Variants in CALCRL observed in about 807,000 individuals in gnomAD.
CALCRL encodes the protein calcitonin receptor like receptor.
A neutral mutation model predicts 60.4 loss-of-function variants in CALCRL; 27 were observed. The ratio of observed to expected loss-of-function variants is 0.45; its 90% confidence interval spans 0.33 to 0.62. The LOEUF is 0.62. Among genes scored for constraint, CALCRL ranks in the 20% least tolerant of loss-of-function variants. CALCRL has a pLI of 0.03. For synonymous variants in CALCRL, 190 were observed against 182.6 expected (o/e 1.04, Z -0.33); for missense variants, 424 against 540.7 (o/e 0.78, Z 2.14).
intron 1 of CALCRL, among the ~76,000 whole-genome samples, chr2:187,445,629 AGTGTTTAT>A (rs1371681267): frequency 1.3e-5 from 2 of 151,600 alleles, no homozygotes; most frequent in South Asian, 4.1e-4. Flanking sequence ...AAATTCAGTT[AGTGTTTAT>A]GTGTTTATCA....
intron 1 of CALCRL, among the ~76,000 whole-genome samples, chr2:187,400,578 C>T (rs858760): frequency 1 from 151,370 of 151,494 alleles, 75,623 homozygotes; most frequent in Middle Eastern, 1. Context: ...CGCTTGCACA[C>T]GAATATTCTT....
At chr2:187,414,133 C>CT (rs1400906908) in intron 1 of CALCRL, among the ~76,000 whole-genome samples, 2 of 152,046 alleles carry the variant, frequency 1.3e-5, no homozygotes, top group African/African-American at 2.4e-5. Context: ...TACCTGTCAT[C>CT]TAACAGGAGG....
chr2:187,386,241 A>C (rs1688202565), intron 3 of CALCRL, among the ~76,000 whole-genome samples: 1 of 152,058 alleles, frequency 6.6e-6, no homozygotes. Context: ...CATGGACATA[A>C]AAAATTTTGA....
At chr2:187,386,130 T>TATAGATAG (rs891902396) in intron 3 of CALCRL, among the ~76,000 whole-genome samples, 3 of 51,788 alleles carry the variant, frequency 5.8e-5, no homozygotes, top group African/African-American at 2.3e-4. Flanking sequence ...AAAAACTTCT[T>TATAGATAG]ATAGATAGAT....
At chr2:187,410,947 T>C (rs1689329849) in intron 1 of CALCRL, among the ~76,000 whole-genome samples, 2 of 152,072 alleles carry the variant, frequency 1.3e-5, no homozygotes, top group South Asian at 4.1e-4. Context: ...AAATATTTTA[T>C]CTAGTGCATT....
chr2:187,425,490 G>A (rs1690079430), intron 1 of CALCRL, among the ~76,000 whole-genome samples: 1 of 151,786 alleles, frequency 6.6e-6, no homozygotes, highest in South Asian at 2.1e-4. Flanking sequence ...ATTTCCATCT[G>A]ATACATGTAA....
rs761630558 is a variant in CALCRL, at chr2:187,380,730, C to T, written c.242G>A (p.Gly81Glu). The change falls in exon 6 of 15, where the codon GGA becomes GAA. Residue 81 changes from glycine (G) to glutamate (E), a missense_variant. Transcript: ENST00000392370. The stretch of plus-strand genomic sequence containing the variant: ...AGGGCAGAGCTGCATTGATTCAGTT[C>T]CTGCTGCAACATCGTTCCAGCAGAG... ...GWLCWNDVAA[G>E]TESMQLCPDY... 15 of 1,613,966 alleles carry T rather than the reference C, an allele frequency of 9.3e-6. No homozygotes were observed. The South Asian group carries it at 1.5e-4, about 17-fold the overall frequency.
intron 1 of CALCRL, among the ~76,000 whole-genome samples, chr2:187,442,984 A>T (rs1271118037): frequency 1.3e-5 from 2 of 151,920 alleles, no homozygotes; most frequent in Non-Finnish European, 2.9e-5. Flanking sequence ...GGATTGTGCA[A>T]CTTTGGGTTT....
intron 1 of CALCRL, among the ~76,000 whole-genome samples, chr2:187,411,514 C>G (rs1400811279): frequency 2.0e-5 from 3 of 152,024 alleles, no homozygotes; most frequent in Admixed American, 2.0e-4. Flanking sequence ...CAGTTTAAAT[C>G]TCTTTCAAAA....
intron 9 of CALCRL, among the ~76,000 whole-genome samples, chr2:187,361,095 C>T (rs1247736693): frequency 2.0e-5 from 3 of 151,904 alleles, no homozygotes; most frequent in Non-Finnish European, 2.9e-5. Context: ...TTATTTATAT[C>T]ATCATGAATC....
intron 8 of CALCRL, among the ~76,000 whole-genome samples, chr2:187,367,383 C>A (rs1026333305): frequency 6.6e-6 from 1 of 152,078 alleles, no homozygotes. Flanking sequence ...AGGCACTGTG[C>A]AACTTAAACA....
rs115703935 is a variant in CALCRL at position 187,403,142 on chromosome 2, G to C, written c.-292-15386C>G. ...TGTTGTTTTACCCACCAAGTCTATG[G>C]CAATTTGTTACAGAAGCCTTAAACT... On this transcript the variant is annotated intron_variant, in intron 1 of 14. Transcript: ENST00000392370. 6.9e-3 allele frequency among the ~76,000 whole-genome samples: 1,054 copies of C among 151,848 alleles called. 12 individuals are homozygous for C. The highest frequency in any genetic ancestry group is 0.024 in the African/African-American group (1,008 of 41,468).
chr2:187,397,156 A>C (rs973050605), intron 1 of CALCRL, among the ~76,000 whole-genome samples: 1 of 151,762 alleles, frequency 6.6e-6, no homozygotes, highest in Non-Finnish European at 1.5e-5. Flanking sequence ...ATTTTTGTAA[A>C]TATAAGTAAG....
intron 7 of CALCRL, among the ~76,000 whole-genome samples, chr2:187,380,162 G>A (rs1172539062): frequency 6.6e-6 from 1 of 152,094 alleles, no homozygotes; most frequent in Non-Finnish European, 1.5e-5. Context: ...CACTGCAAAT[G>A]GAAGATTTTC....
At chr2:187,431,361 G>A (rs2105893282) in intron 1 of CALCRL, 1 of 155,142 alleles carries the variant, frequency 6.4e-6, no homozygotes, top group South Asian at 2.0e-4. Flanking sequence ...ATCATCGTAG[G>A]ACCCTAGATG....
In CALCRL at chr2:187,342,595, G is replaced by A. The variant is rs1686130985; in HGVS notation, c.*3589C>T. ...TTTGAGATTAGTATAATCACAAGGA[G>A]GAGAGATTATAAGAAAAAAACACAA... On this transcript the variant is annotated 3_prime_UTR_variant, in exon 15 of 15. Transcript: ENST00000392370. Among the ~76,000 whole-genome samples the A allele has an allele frequency of 6.6e-6, 1 of 151,408 alleles. No individual in the cohort carries two copies. Among genetic ancestry groups the A allele is most frequent in the South Asian group, 2.1e-4 (1 of 4,816 alleles).
At chr2:187,403,741 AC>A (rs1349370100) in intron 1 of CALCRL, among the ~76,000 whole-genome samples, 1 of 151,738 alleles carries the variant, frequency 6.6e-6, no homozygotes, top group Admixed American at 6.6e-5. Flanking sequence ...ATAAGTGGAA[AC>A]CTGGAAATGT....
intron 1 of CALCRL, among the ~76,000 whole-genome samples, chr2:187,391,370 A>G (rs1172074230): frequency 6.6e-6 from 1 of 152,206 alleles, no homozygotes; most frequent in Non-Finnish European, 1.5e-5. Context: ...TGCATGTTAC[A>G]TCATGAAATA....
rs777515969 is a variant in CALCRL at position 187,378,982 on chromosome 2, A to G, written c.458T>C (p.Ile153Thr). 13 of 1,608,470 alleles carry G rather than the reference A, an allele frequency of 8.1e-6. No homozygotes were observed. In the Admixed American group the frequency reaches 1.8e-4, roughly 23 times the overall value. ...YLTIIGHGLS[I>T]ASLLISLGIF... ...GCCAAGCGAGATAAGCAGTGATGCA[A>G]TAGACAATCCGTGTCCAATTATGGT... is the stretch of plus-strand genomic sequence containing the variant. Residue 153 changes from isoleucine to threonine, a missense_variant, in exon 8 of 15, where the codon ATT becomes ACT. This residue lies in a region of CALCRL where 43 missense variants were observed against 46.6 expected (regional missense o/e 0.92). Coordinates refer to ENST00000392370, the MANE Select transcript of CALCRL (RefSeq NM_005795.6).
Sources: gnomAD v4.1 joint callset for allele counts (sites outside exome capture counted in the v4.1 genomes callset) on GRCh38, gnomAD v4.1.1 for gene constraint, gnomAD v4.1.1 regional missense constraint, MANE v1.5 for transcripts, NCBI Gene and HGNC (gene_info 2026-07-23, HGNC 2026-07-21) for gene names.